Variants in GSE1 observed in about 807,000 individuals in gnomAD.
GSE1 encodes Gse1 coiled-coil protein.
A neutral mutation model predicts 112.6 loss-of-function variants in GSE1; 32 were observed. That is an observed-to-expected ratio of 0.28 (90% confidence interval 0.21 to 0.38). The LOEUF is 0.38. Ranked by LOEUF, GSE1 falls within the 10% of genes least tolerant of loss-of-function variation. The pLI is 1.00. For synonymous variants in GSE1, 1,115 were observed against 735.6 expected (o/e 1.52, Z -8.35); for missense variants, 2,348 against 1,699.2 (o/e 1.38, Z -6.71).
At chr16:85,426,056 T>TGGATGGATGGATGGAAGGAA (rs1555510016) in intron 2 of GSE1, among the ~76,000 whole-genome samples, 1 of 144,016 alleles carries the variant, frequency 6.9e-6, no homozygotes, top group Non-Finnish European at 1.5e-5. Context: ...GATGGATGGA[T>TGGATGGATGGATGGAAGGAA]GGATGGATGG....
rs1597266271 is a variant in GSE1, at chr16:85,278,013, G to A, written c.2284-79450G>A. ...AGGCTTCACGACTCCATTGAGAGCA[G>A]TCACAATATTGGCGGCATGTGTCCC... On this transcript the variant is annotated intron_variant, in intron 1 of 2. Transcript: ENST00000637419. 2.6e-5 allele frequency among the ~76,000 whole-genome samples: 4 copies of A among 152,254 alleles called. No homozygotes were observed. The South Asian group carries it at 8.3e-4, about 31-fold the overall frequency.
At chr16:85,647,024 A>T (rs2050930152) in intron 2 of GSE1, among the ~76,000 whole-genome samples, 1 of 152,070 alleles carries the variant, frequency 6.6e-6, no homozygotes, top group Non-Finnish European at 1.5e-5. Flanking sequence ...CCTGGGCGGG[A>T]GGGAGACAAC....
At chr16:85,356,627 T>C (rs2046956165) in intron 1 of GSE1, among the ~76,000 whole-genome samples, 1 of 152,208 alleles carries the variant, frequency 6.6e-6, no homozygotes, top group Non-Finnish European at 1.5e-5. Context: ...GACATCACAA[T>C]CACAGCCTTC....
intron 1 of GSE1, among the ~76,000 whole-genome samples, chr16:85,262,631 C>T (rs1456852928): frequency 6.6e-6 from 1 of 152,224 alleles, no homozygotes; most frequent in African/African-American, 2.4e-5. Context: ...TCCCTAGAGC[C>T]TGAATTTGCC....
chr16:85,508,097 C>T (rs7195773), intron 2 of GSE1, among the ~76,000 whole-genome samples: 1 of 151,976 alleles, frequency 6.6e-6, no homozygotes, highest in Non-Finnish European at 1.5e-5. Context: ...TGGAGTGACT[C>T]GATCTCGGCT....
At chr16:85,320,787 G>A (rs2046090580) in intron 1 of GSE1, among the ~76,000 whole-genome samples, 1 of 152,154 alleles carries the variant, frequency 6.6e-6, no homozygotes, top group African/African-American at 2.4e-5. Flanking sequence ...CAGCCCCCAT[G>A]TCCTTTCTCC....
At chr16:85,231,346 G>C (rs1250094929) in intron 1 of GSE1, among the ~76,000 whole-genome samples, 1 of 150,984 alleles carries the variant, frequency 6.6e-6, no homozygotes, top group Non-Finnish European at 1.5e-5. Context: ...TGGATGGACA[G>C]ATGGATGATG....
intron 1 of GSE1, among the ~76,000 whole-genome samples, chr16:85,235,428 C>CTCTGTGTGTGTGTGTGTGTGTGTGTGTG: frequency 7.9e-6 from 1 of 126,396 alleles, no homozygotes; most frequent in African/African-American, 3.1e-5. Context: ...TGGAAGGGTA[C>CTCTGTGTGTGTGTGTGTGTGTGTGTGTG]TGTGTGTGTG....
chr16:85,415,629 A>G (rs556061679), intron 2 of GSE1, among the ~76,000 whole-genome samples: 2 of 152,352 alleles, frequency 1.3e-5, no homozygotes, highest in South Asian at 4.1e-4. Context: ...CGTGATCGGG[A>G]TCTGCTCTGT....
At chr16:85,567,115 T>TCAAC (rs922330322) in intron 1 of GSE1, among the ~76,000 whole-genome samples, 3 of 149,800 alleles carry the variant, frequency 2.0e-5, no homozygotes, top group Admixed American at 2.0e-4. Flanking sequence ...CAGGCGGATT[T>TCAAC]CAACCGCCTG....
At chr16:85,582,770 C>A (rs371612068) in intron 1 of GSE1, among the ~76,000 whole-genome samples, 1 of 152,190 alleles carries the variant, frequency 6.6e-6, no homozygotes, top group Non-Finnish European at 1.5e-5. Flanking sequence ...TGCCTTTTCA[C>A]CCCTGAGAGC....
chr16:85,390,802 C>A (rs1364998459), intron 2 of GSE1, among the ~76,000 whole-genome samples: 1 of 151,784 alleles, frequency 6.6e-6, no homozygotes, highest in African/African-American at 2.4e-5. Flanking sequence ...CTCCCGGCTC[C>A]TCTGACAGGC....
intron 1 of GSE1, among the ~76,000 whole-genome samples, chr16:85,632,602 G>A (rs932447602): frequency 6.6e-5 from 10 of 152,220 alleles, no homozygotes; most frequent in Non-Finnish European, 1.5e-4. Flanking sequence ...ACTTGTCAAT[G>A]TCACTTAGAA....
intron 2 of GSE1, among the ~76,000 whole-genome samples, chr16:85,519,534 CCAT>C (rs1285226208): frequency 1.9e-5 from 1 of 52,742 alleles, no homozygotes; most frequent in East Asian, 6.4e-4. Flanking sequence ...ACCTTCACCA[CCAT>C]CATCACTATT....
intron 1 of GSE1, among the ~76,000 whole-genome samples, chr16:85,207,566 C>CTTCTA (rs1555539635): frequency 6.6e-6 from 1 of 152,100 alleles, no homozygotes; most frequent in Non-Finnish European, 1.5e-5. Flanking sequence ...GAGATCTTCT[C>CTTCTA]AGAGCCTGCA....
intron 1 of GSE1, among the ~76,000 whole-genome samples, chr16:85,599,615 C>T: frequency 6.6e-6 from 1 of 152,234 alleles, no homozygotes; most frequent in South Asian, 2.1e-4. Context: ...TGCATCTCAC[C>T]TCTGTGGCCT....
At chr16:85,620,717 C>T (rs1443480526) in intron 1 of GSE1, among the ~76,000 whole-genome samples, 2 of 152,268 alleles carry the variant, frequency 1.3e-5, no homozygotes, top group Non-Finnish European at 2.9e-5. Flanking sequence ...TTGGGGAACC[C>T]GTTTAGATGG....
intron 1 of GSE1, among the ~76,000 whole-genome samples, chr16:85,342,912 A>T (rs531175989): frequency 4.8e-4 from 71 of 149,420 alleles, no homozygotes; most frequent in Admixed American, 1.5e-3. Context: ...GTGCATGAAG[A>T]GGGGGTGCCG....
chr16:85,613,674 CG>C (rs1411747938), intron 1 of GSE1, among the ~76,000 whole-genome samples: 1 of 113,716 alleles, frequency 8.8e-6, no homozygotes, highest in African/African-American at 3.3e-5. Context: ...GGGGGGGGTG[CG>C]TTTAAGTGCG....
Sources: gnomAD v4.1 joint callset for allele counts (sites outside exome capture counted in the v4.1 genomes callset) on GRCh38, gnomAD v4.1.1 for gene constraint, MANE v1.5 for transcripts, NCBI Gene and HGNC (gene_info 2026-07-23, HGNC 2026-07-21) for gene names.